Variants in CHODL observed in about 807,000 individuals in gnomAD.
CHODL encodes transmembrane protein MT75.
CHODL carries 29 observed loss-of-function variants against 34.5 expected under a neutral mutation model. The ratio of observed to expected loss-of-function variants is 0.84; its 90% confidence interval spans 0.63 to 1.15. The LOEUF is 1.15. Among genes scored for constraint, CHODL ranks in the 50% most tolerant of loss-of-function variants. CHODL has a pLI of 0.00. For missense variants in CHODL, 332 were observed against 332.5 expected (o/e 1.00, Z 0.01); for synonymous variants, 125 against 116.1 (o/e 1.08, Z -0.49).
At chr21:18,047,863 C>T (rs181566295) in intron 2 of CHODL, among the ~76,000 whole-genome samples, 9 of 152,014 alleles carry the variant, frequency 5.9e-5, no homozygotes, top group Admixed American at 2.6e-4. Flanking sequence ...AAACTTGTGA[C>T]GCTTCACAGT....
chr21:18,030,278 C>A (rs1454517296), intron 2 of CHODL, among the ~76,000 whole-genome samples: 1 of 152,170 alleles, frequency 6.6e-6, no homozygotes, highest in Non-Finnish European at 1.5e-5. Context: ...AAGAGACCTG[C>A]ATGGCAAGGA....
At chr21:18,110,153 A>AC (rs1450859814) in intron 2 of CHODL, among the ~76,000 whole-genome samples, 1 of 152,180 alleles carries the variant, frequency 6.6e-6, no homozygotes, top group East Asian at 1.9e-4. Flanking sequence ...CTACAAACAT[A>AC]TTTACAACAA....
chr21:17,931,835 T>C (rs1265360181), intron 1 of CHODL, among the ~76,000 whole-genome samples: 1 of 152,102 alleles, frequency 6.6e-6, no homozygotes, highest in East Asian at 1.9e-4. Flanking sequence ...ATATAAGACA[T>C]GAAACTATGA....
At chr21:18,186,427 G>C (rs1421864845) in intron 2 of CHODL, among the ~76,000 whole-genome samples, 6 of 151,798 alleles carry the variant, frequency 4.0e-5, no homozygotes, top group African/African-American at 1.5e-4. Context: ...AAAAAGTCAT[G>C]TTCACTGCTG....
Position 18,256,660 on chromosome 21 carries a change from GAAGTT to G in CHODL, c.234_238del (p.Lys78AsnfsTer17). The G allele has an allele frequency of 3.7e-6, 6 of 1,614,084 alleles. No individual in the cohort carries two copies. The highest frequency in any genetic ancestry group is 5.1e-6 in the Non-Finnish European group (6 of 1,179,994). On this transcript the variant is annotated frameshift_variant, in exon 2 of 6. Transcript: ENST00000299295. LOFTEE classifies it high-confidence loss of function. ...TCAGCCTTGAGAATGAAGCAGAACA[GAAGTT>G]AATAGAGAGCATGTTGCAAAACCTG... is the stretch of plus-strand genomic sequence containing the variant.
At chr21:18,083,780 G>T (rs1024362851) in intron 2 of CHODL, among the ~76,000 whole-genome samples, 1 of 152,176 alleles carries the variant, frequency 6.6e-6, no homozygotes, top group Non-Finnish European at 1.5e-5. Flanking sequence ...TTTATCCAAT[G>T]CCTGTATTCC....
intron 1 of CHODL, among the ~76,000 whole-genome samples, chr21:17,984,400 C>T (rs158008): frequency 0.33 from 50,331 of 152,008 alleles, 8,918 homozygotes; most frequent in East Asian, 0.63. Context: ...ATTGGGATTG[C>T]GGGATCATAT....
chr21:17,959,452 A>G (rs1295072345), intron 1 of CHODL, among the ~76,000 whole-genome samples: 1 of 152,202 alleles, frequency 6.6e-6, no homozygotes, highest in Non-Finnish European at 1.5e-5. Flanking sequence ...GGATCCAGAA[A>G]AGATCTGGAA....
chr21:18,026,592 T>C (rs1036037445), intron 1 of CHODL, among the ~76,000 whole-genome samples: 7 of 152,230 alleles, frequency 4.6e-5, no homozygotes, highest in Non-Finnish European at 7.3e-5. Context: ...ACAGCTCCAC[T>C]TTATGGGAGA....
chr21:18,145,118 C>G (rs1462328970), intron 2 of CHODL, among the ~76,000 whole-genome samples: 1 of 150,520 alleles, frequency 6.6e-6, no homozygotes, highest in East Asian at 2.0e-4. Flanking sequence ...TAAAGCAGAA[C>G]ACTTCAACAT....
At chr21:18,056,372 T>C (rs1173806577) in intron 2 of CHODL, among the ~76,000 whole-genome samples, 1 of 151,628 alleles carries the variant, frequency 6.6e-6, no homozygotes, top group Admixed American at 6.6e-5. Context: ...AAATAAAGAA[T>C]TATTTATCTT....
chr21:17,965,277 G>A (rs1430474103), intron 1 of CHODL, among the ~76,000 whole-genome samples: 1 of 152,034 alleles, frequency 6.6e-6, no homozygotes, highest in Non-Finnish European at 1.5e-5. Flanking sequence ...TCTTCCAATG[G>A]TGTATTGAAA....
chr21:17,973,439 AC>A (rs1264841331), intron 1 of CHODL, among the ~76,000 whole-genome samples: 9 of 128,328 alleles, frequency 7.0e-5, no homozygotes, highest in African/African-American at 2.3e-4. Context: ...TTTTTTTGAG[AC>A]AGTCTCACTC....
At chr21:18,263,317 G>T (rs1225109822) in intron 5 of CHODL, among the ~76,000 whole-genome samples, 1 of 152,074 alleles carries the variant, frequency 6.6e-6, no homozygotes, top group East Asian at 1.9e-4. Context: ...ATATTTGTAG[G>T]TTCATTTTGT....
intron 2 of CHODL, among the ~76,000 whole-genome samples, chr21:18,031,551 A>G (rs1164711122): frequency 6.6e-6 from 1 of 152,026 alleles, no homozygotes; most frequent in African/African-American, 2.4e-5. Flanking sequence ...TGGGGGGGAG[A>G]AAAATGCCAT....
upstream of CHODL, among the ~76,000 whole-genome samples, chr21:18,243,139 A>C (rs890655864): frequency 2.6e-5 from 4 of 152,228 alleles, no homozygotes; most frequent in African/African-American, 9.6e-5. Context: ...ATATGCCTCC[A>C]AATGAATTTC....
chr21:18,105,011 T>C (rs1450817223), intron 2 of CHODL, among the ~76,000 whole-genome samples: 1 of 152,212 alleles, frequency 6.6e-6, no homozygotes, highest in Admixed American at 6.5e-5. Flanking sequence ...TGTTTTATGT[T>C]TGTGGAATTA....
chr21:18,250,607 A>G (rs2074223980), intron 1 of CHODL, among the ~76,000 whole-genome samples: 1 of 152,150 alleles, frequency 6.6e-6, no homozygotes, highest in South Asian at 2.1e-4. Flanking sequence ...AAGTTGGTGT[A>G]ACATTGAATG....
At chr21:18,084,653 A>T (rs1021482436) in intron 2 of CHODL, among the ~76,000 whole-genome samples, 10 of 152,190 alleles carry the variant, frequency 6.6e-5, no homozygotes, top group South Asian at 4.2e-4. Flanking sequence ...TTTGATTTTA[A>T]AAAAAAACTT....
Sources: gnomAD v4.1 joint callset for allele counts (sites outside exome capture counted in the v4.1 genomes callset) on GRCh38, gnomAD v4.1.1 for gene constraint, MANE v1.5 for transcripts, NCBI Gene and HGNC (gene_info 2026-07-23, HGNC 2026-07-21) for gene names.